The following FBXO32 variants were observed in gnomAD, a reference collection of about 807,000 sequenced individuals.
FBXO32 encodes the protein F-box only protein 32.
FBXO32 carries 15 observed loss-of-function variants against 48.3 expected under a neutral mutation model. The ratio of observed to expected loss-of-function variants is 0.31; its 90% CI spans 0.21 to 0.48. The LOEUF (loss-of-function observed/expected upper bound fraction) is 0.48, where lower values mean the gene tolerates loss of function less well. Ranked by LOEUF, FBXO32 falls within the 20% of genes least tolerant of loss-of-function variation. The pLI is 0.99. For synonymous variants in FBXO32, 154 were observed against 165.9 expected, an observed-to-expected ratio of 0.93 and a Z score of 0.55; for missense variants, 309 against 432.7, an observed-to-expected ratio of 0.71 and a Z score of 2.54.
chr8:123,522,020 G>T (rs1816966343), intron 4 of FBXO32, among the ~76,000 whole-genome samples: 1 of 151,998 alleles, frequency 6.6e-6, no homozygotes. Flanking sequence ...GGTTGAAAGA[G>T]AAAAAAATTT....
Position 123,525,223 on chromosome 8 carries a change from T to G in FBXO32, c.372+6675A>C, listed in dbSNP as rs1290963790. Among the ~76,000 whole-genome samples, 1 of 152,198 alleles carries G rather than the reference T, an allele frequency of 6.6e-6. No homozygotes were observed. Among genetic ancestry groups the G allele is most frequent in the Non-Finnish European group, 1.5e-5 (1 of 68,018 alleles). The stretch of plus-strand genomic sequence containing the variant: ...CAGTAACTTGCTGGAAACATTCAAA[T>G]GCACTTAGGGTGGTAACGCAGAAAA... On this transcript the variant is annotated intron_variant, in intron 4 of 8. Coordinates refer to ENST00000517956, the MANE Select transcript of FBXO32 (RefSeq NM_058229.4). The surrounding 1 kb of genome is among the most constrained non-coding windows in gnomAD (Gnocchi z 4.3).
chr8:123,515,921 G>A (rs1011762218), intron 4 of FBXO32, among the ~76,000 whole-genome samples: 1 of 152,160 alleles, frequency 6.6e-6, no homozygotes, highest in African/African-American at 2.4e-5. Flanking sequence ...GAAGCCAGGA[G>A]GCAGAGGTTG....
Position 123,506,648 on chromosome 8 carries a change from G to A in FBXO32, c.652-74C>T. ...TCACCAGGCCACACCCTCCAGGCATGCAGCTGTGCCCGTCCTCCACCCTCA... is the reference window on the plus strand; with the variant it reads ...TCACCAGGCCACACCCTCCAGGCATACAGCTGTGCCCGTCCTCCACCCTCA... On this transcript the variant is annotated intron_variant, in intron 6 of 8. Coordinates refer to ENST00000517956, the MANE Select transcript of FBXO32 (RefSeq NM_058229.4). The surrounding 1 kb of genome is among the most constrained non-coding windows in gnomAD (Gnocchi z 4.0). The A allele has an allele frequency of 6.0e-6, 8 of 1,333,882 alleles. No individual in the cohort carries two copies. Among genetic ancestry groups the A allele is most frequent in the Admixed American group, 2.2e-5 (1 of 45,224 alleles). The allele number at this position is 1,333,882 out of a possible 1,614,324, so 82.6% of individuals were successfully genotyped here.
chr8:123,533,093 C>A, intron 3 of FBXO32, 98 bp downstream of exon 3: 1 of 857,914 alleles, frequency 1.2e-6, no homozygotes, highest in Non-Finnish European at 1.9e-6. Flanking sequence ...AGAAGACTCT[C>A]ATGATCCGAA....
Position 123,514,199 on chromosome 8 carries a change from C to T in FBXO32, c.466+41G>A, listed in dbSNP as rs781143397. 49 of 1,499,038 alleles carry T rather than the reference C, an allele frequency of 3.3e-5. No individual in the cohort carries two copies. In the Admixed American group the frequency reaches 8.3e-4, roughly 25 times the overall value. 92.9% of individuals were successfully genotyped at this position (1,499,038 alleles called of 1,614,324 possible). ...ATTGGAAAATCCATCTGCCCACCTC[C>T]ATGCCTATAAAAAGGGGCGAGAGAG... On this transcript the variant is annotated intron_variant, in intron 5 of 8. Transcript: ENST00000517956.
At chr8:123,520,146 A>G (rs184323180) in intron 4 of FBXO32, among the ~76,000 whole-genome samples, 1 of 152,346 alleles carries the variant, frequency 6.6e-6, no homozygotes, top group Admixed American at 6.5e-5. Context: ...GTAGGTTTGT[A>G]TCTAGCAATC....
rs1219656869 is a variant in FBXO32, at chr8:123,541,170, G to A, written c.-156C>T. 2 of 395,504 alleles carry A rather than the reference G, an allele frequency of 5.1e-6. No homozygotes were observed. Among genetic ancestry groups the A allele is most frequent in the African/African-American group, 2.1e-5 (1 of 47,458 alleles). 24.5% of individuals were successfully genotyped at this position (395,504 alleles called of 1,614,324 possible). On this transcript the variant is annotated 5_prime_UTR_variant, in exon 1 of 9. Coordinates refer to ENST00000517956, the MANE Select transcript of FBXO32 (RefSeq NM_058229.4). ...GGGCACCCTGCGGGGTGGCGGGCGCGGAGAGGATCTCAAGCGTTGCAGGCT... is the reference window on the plus strand; with the variant it reads ...GGGCACCCTGCGGGGTGGCGGGCGCAGAGAGGATCTCAAGCGTTGCAGGCT...
intron 1 of FBXO32, among the ~76,000 whole-genome samples, chr8:123,536,843 C>G (rs1458652321): frequency 6.6e-6 from 1 of 152,166 alleles, no homozygotes; most frequent in Admixed American, 6.5e-5. Context: ...TGAAAACGTT[C>G]TTTAAAGGAA....
At position 123,498,768 on chromosome 8, in the gene FBXO32, T is replaced by TGTAA. The variant is rs1816413728; in HGVS notation, c.*4601_*4604dup. 6.6e-6 allele frequency: 1 copy of TGTAA among 152,178 alleles called. No individual in the cohort carries two copies. The highest frequency in any genetic ancestry group is 6.5e-5 in the Admixed American group (1 of 15,286). The allele number at this position is 152,178 out of a possible 1,614,324, so 9.4% of individuals were successfully genotyped here. A position where few individuals can be genotyped will look rare whatever the true frequency, so the allele number is the denominator to read the frequency against. ...ATAACGGCCATTTTTGTAATAAAAATGTAAGTACCCAAGGAAGAAATAAAA... is the reference window on the plus strand; with the variant it reads ...ATAACGGCCATTTTTGTAATAAAAATGTAAGTAAGTACCCAAGGAAGAAATAAAA... On this transcript the variant is annotated 3_prime_UTR_variant, in exon 9 of 9. Coordinates refer to ENST00000517956, the MANE Select transcript of FBXO32 (RefSeq NM_058229.4).
chr8:123,535,441 T>C (rs1817290737), intron 1 of FBXO32, among the ~76,000 whole-genome samples: 1 of 152,244 alleles, frequency 6.6e-6, no homozygotes, highest in South Asian at 2.1e-4. Flanking sequence ...AGGTTTTATG[T>C]AGTGCCTTGA....
rs1323539911 is a variant in FBXO32, at chr8:123,541,202, G to A, written c.-188C>T. On this transcript the variant is annotated 5_prime_UTR_variant, in exon 1 of 9. Transcript: ENST00000517956. The stretch of plus-strand genomic sequence containing the variant: ...ATCTCAAGCGTTGCAGGCTCCGGGA[G>A]TGCTGCGCGGCAGTAGCTGCCGCAG... The A allele has an allele frequency of 2.2e-5, 8 of 360,180 alleles. No individual in the cohort carries two copies. Among genetic ancestry groups the A allele is most frequent in the Non-Finnish European group, 3.5e-5 (7 of 202,330 alleles). 22.3% of individuals were successfully genotyped at this position (360,180 alleles called of 1,614,324 possible). A position where few individuals can be genotyped will look rare whatever the true frequency, so the allele number is the denominator to read the frequency against.
chr8:123,538,355 T>C (rs1030978132), intron 1 of FBXO32, among the ~76,000 whole-genome samples: 1 of 152,072 alleles, frequency 6.6e-6, no homozygotes, highest in Admixed American at 6.5e-5. Flanking sequence ...TGCAGAATGG[T>C]CTGTGGAATT....
chr8:123,532,766 C>T (rs1031768494), intron 3 of FBXO32, among the ~76,000 whole-genome samples: 1 of 152,114 alleles, frequency 6.6e-6, no homozygotes, highest in South Asian at 2.1e-4. Flanking sequence ...TGTCTTGTCC[C>T]CTCCCACATC....
rs1190903052 is a variant in FBXO32 at position 123,540,401 on chromosome 8, G to T, written c.116+498C>A. On this transcript the variant is annotated intron_variant, in intron 1 of 8. Coordinates refer to ENST00000517956, the MANE Select transcript of FBXO32 (RefSeq NM_058229.4). The surrounding 1 kb of genome is among the most constrained non-coding windows in gnomAD (Gnocchi z 6.4). ...CCACTTCGTGGTTGCCCGTGCCTGG[G>T]CAGGGCCTGGAAGCGCTCCAGGCGG... Among the ~76,000 whole-genome samples the T allele has an allele frequency of 1.3e-5, 2 of 152,212 alleles. No homozygotes were observed. Among genetic ancestry groups the T allele is most frequent in the Admixed American group, 6.5e-5 (1 of 15,292 alleles).
At chr8:123,522,008 C>G (rs771681431) in intron 4 of FBXO32, among the ~76,000 whole-genome samples, 5 of 152,010 alleles carry the variant, frequency 3.3e-5, no homozygotes, top group Non-Finnish European at 5.9e-5. Context: ...TGAACACTGA[C>G]AGGTTGAAAG....
At chr8:123,508,838 C>G (rs1816681366) in intron 6 of FBXO32, among the ~76,000 whole-genome samples, 1 of 152,222 alleles carries the variant, frequency 6.6e-6, no homozygotes, top group Admixed American at 6.5e-5. Context: ...AGGGTTCACT[C>G]TGTCAAATTT....
At position 123,516,852 on chromosome 8, in the gene FBXO32, T is replaced by C. The variant is rs533147017; in HGVS notation, c.373-2519A>G. On this transcript the variant is annotated intron_variant, in intron 4 of 8. Transcript: ENST00000517956. Reference sequence around the variant, plus strand: ...TTGGAAGTCAGGAGCTCACCGAGTGTCTGCTGAAAGAGGCGGGAAATCAAA... The same window carrying C: ...TTGGAAGTCAGGAGCTCACCGAGTGCCTGCTGAAAGAGGCGGGAAATCAAA... Among the ~76,000 whole-genome samples, 9 of 152,138 alleles carry C rather than the reference T, an allele frequency of 5.9e-5. No homozygotes were observed. The East Asian group carries it at 1.7e-3, about 29-fold the overall frequency.
chr8:123,507,442 T>G (rs948195059), intron 6 of FBXO32, among the ~76,000 whole-genome samples: 1 of 108,932 alleles, frequency 9.2e-6, no homozygotes, highest in South Asian at 2.7e-4. Flanking sequence ...TGCTAGGGTG[T>G]GTGTGTGTGT....
chr8:123,516,102 G>A (rs1586993479), intron 4 of FBXO32, among the ~76,000 whole-genome samples: 3 of 152,322 alleles, frequency 2.0e-5, no homozygotes, highest in Admixed American at 1.3e-4. Context: ...TGAGCAAAGC[G>A]AGGCTCAAGA....
Sources: gnomAD v4.1 joint callset for allele counts (sites outside exome capture counted in the v4.1 genomes callset) on GRCh38, gnomAD v4.1.1 for gene constraint, Gnocchi (gnomAD v3.1) non-coding constraint, MANE v1.5 for transcripts, NCBI Gene and HGNC (gene_info 2026-07-23, HGNC 2026-07-21) for gene names.